The following NBEAL1 variants were observed in gnomAD, a reference collection of about 807,000 sequenced individuals.
NBEAL1 encodes neurobeachin like 1.
A neutral mutation model predicts 351.3 loss-of-function variants in NBEAL1; 273 were observed. That is an observed-to-expected ratio of 0.78 (90% CI 0.70 to 0.86). NBEAL1 has a LOEUF of 0.86. NBEAL1 is among the 40% of genes least tolerant of loss of function. The pLI, the probability that NBEAL1 is intolerant of heterozygous loss-of-function variation, is 0.00. For synonymous variants in NBEAL1, 1,050 were observed against 1,086.4 expected (o/e 0.97, Z 0.66); for missense variants, 2,961 against 3,201.3 (o/e 0.92, Z 1.81).
At chr2:203,117,756 A>G (rs2062733078) in intron 18 of NBEAL1, among the ~76,000 whole-genome samples, 2 of 151,878 alleles carry the variant, frequency 1.3e-5, no homozygotes, top group South Asian at 2.1e-4. Context: ...ATCATGGCCT[A>G]CTATGGTCTT....
rs1185668736 is a variant in NBEAL1, at chr2:203,062,643, A to G, written c.515+5190A>G. On this transcript the variant is annotated intron_variant, in intron 6 of 55. Transcript: ENST00000683969. The surrounding 1 kb of genome is among the most constrained non-coding windows in gnomAD (Gnocchi z 4.2). ...AACAGAAAGGGGGGCAAAGTAGAGG[A>G]TGAGTAGCAGCATTTAATGAATGTA... Among the ~76,000 whole-genome samples, 1 of 152,250 alleles carries G rather than the reference A, an allele frequency of 6.6e-6. No homozygotes were observed. The highest frequency in any genetic ancestry group is 1.5e-5 in the Non-Finnish European group (1 of 68,042).
At chr2:203,073,569 G>A (rs2061716431) in intron 7 of NBEAL1, among the ~76,000 whole-genome samples, 1 of 152,038 alleles carries the variant, frequency 6.6e-6, no homozygotes, top group Non-Finnish European at 1.5e-5. Flanking sequence ...TTAGCCCAGG[G>A]GTTCGGGGCT....
At chr2:203,120,641 C>T (rs1424568236) in intron 18 of NBEAL1, among the ~76,000 whole-genome samples, 3 of 152,130 alleles carry the variant, frequency 2.0e-5, no homozygotes, top group Non-Finnish European at 2.9e-5. Flanking sequence ...TAGAGCAAAC[C>T]TCCTATGTCA....
intron 31 of NBEAL1, among the ~76,000 whole-genome samples, chr2:203,139,273 T>C (rs773100031): frequency 3.3e-5 from 5 of 152,132 alleles, no homozygotes; most frequent in Non-Finnish European, 7.3e-5. Context: ...TTATTATTTC[T>C]GTTTTAAATT....
chr2:203,209,407 G>C (rs2065709839), intron 53 of NBEAL1, 85 bp downstream of exon 53: 2 of 987,620 alleles, frequency 2.0e-6, no homozygotes, highest in Non-Finnish European at 3.0e-6. Context: ...TATTGAAGAA[G>C]GAAAGAACAC....
rs149272455 is a variant in NBEAL1, at chr2:203,085,096, A to G, written c.1098+527A>G. On this transcript the variant is annotated intron_variant, in intron 10 of 55. Transcript: ENST00000683969. Reference sequence around the variant, plus strand: ...GTCATTCACTGAATAATGTTTTTGTATAAGAAATAGCTTTTTTTTTGAGAT... The same window carrying G: ...GTCATTCACTGAATAATGTTTTTGTGTAAGAAATAGCTTTTTTTTTGAGAT... The G allele has an allele frequency of 3.2e-3, 496 of 154,322 alleles. 3 individuals carry two copies. The highest frequency in any genetic ancestry group is 0.011 in the African/African-American group (465 of 41,632). The allele number at this position is 154,322 out of a possible 1,614,324, so 9.6% of individuals were successfully genotyped here.
At chr2:203,185,163 T>C (rs2105753771) in intron 44 of NBEAL1, among the ~76,000 whole-genome samples, 1 of 152,324 alleles carries the variant, frequency 6.6e-6, no homozygotes, top group East Asian at 1.9e-4. Context: ...TGGTTGTGGT[T>C]TTCAGAGTGT....
chr2:203,057,776 A>G (rs532877719), intron 6 of NBEAL1, among the ~76,000 whole-genome samples: 24 of 151,344 alleles, frequency 1.6e-4, no homozygotes, highest in Non-Finnish European at 3.2e-4. Context: ...ATACTTTATA[A>G]TTCGAAAATG....
Position 203,196,741 on chromosome 2 carries a change from T to C in NBEAL1, c.7039-561T>C, listed in dbSNP as rs191629405. ...ATTAGGTATCACTTGTGAACAACTG[T>C]CACATCAGGGAACTGAATTCAAATT... On this transcript the variant is annotated intron_variant, in intron 47 of 55. Coordinates refer to ENST00000683969, the MANE Select transcript of NBEAL1 (RefSeq NM_001378026.1). Among the ~76,000 whole-genome samples, 6 of 152,356 alleles carry C rather than the reference T, an allele frequency of 3.9e-5. No homozygotes were observed. The East Asian group carries it at 7.7e-4, about 20-fold the overall frequency.
chr2:203,200,595 G>A (rs1176397392), intron 49 of NBEAL1, among the ~76,000 whole-genome samples: 3 of 152,046 alleles, frequency 2.0e-5, no homozygotes. Flanking sequence ...TCGGGGGGCT[G>A]AGGCAGGAGA....
At position 203,209,319 on chromosome 2, in the gene NBEAL1, C is replaced by G. The variant is rs905717804; in HGVS notation, c.7782C>G (p.Leu2594=). 29 of 1,613,138 alleles carry G rather than the reference C, an allele frequency of 1.8e-5. No homozygotes were observed. Among genetic ancestry groups the G allele is most frequent in the Non-Finnish European group, 2.4e-5 (28 of 1,179,206 alleles). ...VYSSTEEKTT[L]KDKNALHLFS... is the part of the protein sequence containing the mutation. ...CCAGCACTGAAGAAAAGACCACCCTCAAGGTATATGACCTTTCATGCAATA... is the reference window on the plus strand; with the variant it reads ...CCAGCACTGAAGAAAAGACCACCCTGAAGGTATATGACCTTTCATGCAATA... Residue 2594 remains leucine (L), a synonymous_variant, in exon 53 of 56, where the codon CTC becomes CTG. Transcript: ENST00000683969.
At chr2:203,187,911 T>G (rs2064955838) in intron 44 of NBEAL1, among the ~76,000 whole-genome samples, 1 of 152,056 alleles carries the variant, frequency 6.6e-6, no homozygotes, top group South Asian at 2.1e-4. Context: ...GAAACATGAG[T>G]CCCATTTTTT....
chr2:203,216,023 A>T (rs1316502705), intron 55 of NBEAL1, among the ~76,000 whole-genome samples: 1 of 152,066 alleles, frequency 6.6e-6, no homozygotes, highest in Admixed American at 6.6e-5. Context: ...AAAAAAAAAA[A>T]AAAAACGGTG....
At chr2:203,076,225 G>A (rs922135006) in intron 7 of NBEAL1, among the ~76,000 whole-genome samples, 11 of 152,104 alleles carry the variant, frequency 7.2e-5, no homozygotes, top group Non-Finnish European at 1.5e-5. Context: ...GCTCACCCTT[G>A]TACTCCCAGC....
chr2:203,109,420 T>C (rs2062511333), intron 14 of NBEAL1, among the ~76,000 whole-genome samples: 1 of 152,224 alleles, frequency 6.6e-6, no homozygotes, highest in African/African-American at 2.4e-5. Flanking sequence ...TTGAATATGC[T>C]ATAAATATAT....
chr2:203,142,830 G>C (rs2063414194), intron 31 of NBEAL1, among the ~76,000 whole-genome samples: 1 of 152,046 alleles, frequency 6.6e-6, no homozygotes, highest in Admixed American at 6.6e-5. Context: ...CCTTTAGTCG[G>C]ATTCAAAAAC....
At chr2:203,036,460 T>G (rs562527567) in intron 2 of NBEAL1, among the ~76,000 whole-genome samples, 1 of 149,356 alleles carries the variant, frequency 6.7e-6, no homozygotes, top group South Asian at 2.1e-4. Context: ...TGGATTTGTG[T>G]GTTCTTACAT....
At chr2:203,021,024 C>G (rs371268514) in intron 2 of NBEAL1, among the ~76,000 whole-genome samples, 54 of 152,270 alleles carry the variant, frequency 3.5e-4, no homozygotes, top group African/African-American at 1.2e-3. Context: ...TGGGTGCAAG[C>G]TATTCTCCTG....
intron 10 of NBEAL1, among the ~76,000 whole-genome samples, chr2:203,087,175 C>G (rs2061978530): frequency 6.7e-6 from 1 of 149,936 alleles, no homozygotes; most frequent in South Asian, 2.1e-4. Flanking sequence ...CTCACTGAAC[C>G]TCCGCCTCCT....
Sources: gnomAD v4.1 joint callset for allele counts (sites outside exome capture counted in the v4.1 genomes callset) on GRCh38, gnomAD v4.1.1 for gene constraint, Gnocchi (gnomAD v3.1) non-coding constraint, MANE v1.5 for transcripts, NCBI Gene and HGNC (gene_info 2026-07-23, HGNC 2026-07-21) for gene names.